The following GOLGA3 variants were observed in gnomAD, a reference collection of about 807,000 sequenced individuals.
The protein encoded by GOLGA3 is golgin A3.
A neutral mutation model predicts 169.4 loss-of-function variants in GOLGA3; 75 were observed. The ratio of observed to expected loss-of-function variants is 0.44; its 90% CI spans 0.37 to 0.54. GOLGA3 has a LOEUF of 0.54. Ranked by LOEUF, GOLGA3 falls within the 20% of genes least tolerant of loss-of-function variation. GOLGA3 has a pLI of 0.00. For missense variants in GOLGA3, 1,899 were observed against 1,930.0 expected (o/e 0.98, Z 0.30); for synonymous variants, 824 against 822.4 (o/e 1.00, Z -0.03).
chr12:132,798,572 G>T, intron 8 of GOLGA3, 95 bp from the exon 9 acceptor site: 2 of 1,120,202 alleles, frequency 1.8e-6, no homozygotes, highest in Non-Finnish European at 2.6e-6. Context: ...GAGGGTCACT[G>T]GCTGCCCCCT....
intron 4 of GOLGA3, among the ~76,000 whole-genome samples, chr12:132,812,192 TACACACAC>T (rs140337948): frequency 7.4e-6 from 1 of 135,008 alleles, no homozygotes; most frequent in Non-Finnish European, 1.5e-5. Context: ...TGTCTCAAAA[TACACACAC>T]ACACACACAC....
chr12:132,788,270 G>A (rs1300506893), intron 13 of GOLGA3, among the ~76,000 whole-genome samples: 2 of 152,198 alleles, frequency 1.3e-5, no homozygotes, highest in Admixed American at 6.5e-5. Context: ...TGCCTGCTGG[G>A]ACCTTGGCTC....
At chr12:132,816,433 G>T (rs898855110) in intron 3 of GOLGA3, 107 bp downstream of exon 3, 2 of 1,158,958 alleles carry the variant, frequency 1.7e-6, no homozygotes, top group South Asian at 1.4e-5. Flanking sequence ...CACACGGCAG[G>T]CACAGGCACA....
Position 132,773,269 on chromosome 12 carries a change from G to T in GOLGA3, c.4333C>A (p.Gln1445Lys). The part of the protein sequence containing the change: ...LKQEMDSLQR[Q>K]MEEHALTVHE... ...ACCGTCAGGGCGTGCTCCTCCATCTGGCGCTGCAGGCTGTCCATCTCCTGC... is the reference window on the plus strand; with the variant it reads ...ACCGTCAGGGCGTGCTCCTCCATCTTGCGCTGCAGGCTGTCCATCTCCTGC... Residue 1445 changes from glutamine to lysine, a missense_variant, in exon 24 of 24, where the codon CAG (glutamine) becomes AAG (lysine). Physicochemically the swap from Gln to Lys is moderately conservative, Grantham distance 53. Coordinates refer to ENST00000450791, the MANE Select transcript of GOLGA3 (RefSeq NM_001389683.1). 1 of 1,448,936 alleles carries T rather than the reference G, an allele frequency of 6.9e-7. No homozygotes were observed. Among genetic ancestry groups the T allele is most frequent in the African/African-American group, 1.5e-5 (1 of 68,346 alleles). The allele number at this position is 1,448,936 out of a possible 1,614,324, so 89.8% of individuals were successfully genotyped here.
In GOLGA3 at chr12:132,777,526, G is replaced by T; in HGVS notation, c.3722+140C>A. ...AGGATTCTGGAGACGGAGGCTGGGT[G>T]CCTTCTACTCCTATGATTCACTCAA... On this transcript the variant is annotated intron_variant, in intron 19 of 23. Coordinates refer to ENST00000450791, the MANE Select transcript of GOLGA3 (RefSeq NM_001389683.1). The surrounding 1 kb of genome is among the most constrained non-coding windows in gnomAD (Gnocchi z 4.7). 2.4e-6 allele frequency: 2 copies of T among 848,658 alleles called. No homozygotes were observed. The highest frequency in any genetic ancestry group is 3.6e-6 in the Non-Finnish European group (2 of 550,026). The allele number at this position is 848,658 out of a possible 1,614,324, so 52.6% of individuals were successfully genotyped here. A position where few individuals can be genotyped will look rare whatever the true frequency, so the allele number is the denominator to read the frequency against.
At chr12:132,783,096 T>C (rs544902854) in intron 16 of GOLGA3, among the ~76,000 whole-genome samples, 20 of 151,998 alleles carry the variant, frequency 1.3e-4, no homozygotes, top group Admixed American at 1.0e-3. Flanking sequence ...CTCAGGAGAA[T>C]GAGGCGGGAA....
Position 132,808,439 on chromosome 12 carries a change from A to G in GOLGA3, c.630T>C (p.Tyr210=), listed in dbSNP as rs1427421396. The change falls in exon 5 of 24, where the codon TAT becomes TAC. Residue 210 remains tyrosine, a synonymous_variant. Transcript: ENST00000450791. ...RASTLAMTKE[Y]SFLRTSVPRG... Reference sequence around the variant, plus strand: ...GAGGGACACTGGTGCGCAGGAAGGAATATTCTTTTGTCATAGCCAGGGTAC... The same window carrying G: ...GAGGGACACTGGTGCGCAGGAAGGAGTATTCTTTTGTCATAGCCAGGGTAC... 6.2e-7 allele frequency: 1 copy of G among 1,614,102 alleles called. No individual in the cohort carries two copies. The highest frequency in any genetic ancestry group is 1.1e-5 in the South Asian group (1 of 91,084).
At position 132,804,718 on chromosome 12, in the gene GOLGA3, G is replaced by C; in HGVS notation, c.1595C>G (p.Thr532Arg). The change falls in exon 7 of 24, where the codon ACA becomes AGA. Residue 532 changes from threonine (T) to arginine (R), a missense_variant and splice_region_variant. Coordinates refer to ENST00000450791, the MANE Select transcript of GOLGA3 (RefSeq NM_001389683.1). This position sits in a 1 kb window ranked among gnomAD's most constrained non-coding sequence, Gnocchi z 4.1. The stretch of plus-strand genomic sequence containing the variant: ...GGCGTGGCCAGGGCCAGCCTCACCT[G>C]TGTTGTCCTTGCTGAGCATGCTCCT... Reference protein sequence around the residue: ...MQRSMLSKDNTVHDLRQQMTA... With the variant: ...MQRSMLSKDNRVHDLRQQMTA... 1 of 1,611,310 alleles carries C rather than the reference G, an allele frequency of 6.2e-7. No individual in the cohort carries two copies. Among genetic ancestry groups the C allele is most frequent in the Non-Finnish European group, 8.5e-7 (1 of 1,177,874 alleles).
rs193014606 is a variant in GOLGA3 at position 132,795,110 on chromosome 12, C to T, written c.2469+742G>A. 8.6e-5 allele frequency among the ~76,000 whole-genome samples: 13 copies of T among 151,666 alleles called. No homozygotes were observed. In the East Asian group the frequency reaches 2.5e-3, roughly 29 times the overall value. ...ACTGAGGCAGGAGAATCACTTGAAC[C>T]CCGGAGGCAGAGGTTGCAGTGAGCC... On this transcript the variant is annotated intron_variant, in intron 11 of 23. Transcript: ENST00000450791.
At chr12:132,808,795 T>C (rs1334682498) in intron 4 of GOLGA3, among the ~76,000 whole-genome samples, 1 of 152,222 alleles carries the variant, frequency 6.6e-6, no homozygotes, top group Non-Finnish European at 1.5e-5. Flanking sequence ...CTTCAGTGAC[T>C]GTGACCTCAA....
chr12:132,808,228 C>T lies in GOLGA3; in HGVS notation c.841G>A (p.Ala281Thr). 6.2e-7 allele frequency: 1 copy of T among 1,614,046 alleles called. No homozygotes were observed. ...AGGCTGATCTCAGACACAACGGACG[C>T]CGCACTGCTTCTGTTCTGCTTCAGG... ...GSLKQNRSSA[A>T]SVVSEISLSP... is the part of the protein sequence containing the mutation. The change falls in exon 5 of 24, where the codon GCG (alanine) becomes ACG (threonine). Residue 281 changes from alanine (A) to threonine (T), a missense_variant. Coordinates refer to ENST00000450791, the MANE Select transcript of GOLGA3 (RefSeq NM_001389683.1).
chr12:132,798,359 G>A lies in GOLGA3; in HGVS notation c.1919C>T (p.Ala640Val). 6.2e-7 allele frequency: 1 copy of A among 1,612,592 alleles called. No individual in the cohort carries two copies. Among genetic ancestry groups the A allele is most frequent in the Non-Finnish European group, 8.5e-7 (1 of 1,179,642 alleles). ...RSMKEKGRIAAQLQGIEADML... is the reference protein window; with the variant it reads ...RSMKEKGRIAVQLQGIEADML... ...CCTCACCTCAATGCCCTGCAGCTGT[G>A]CCGCGATGCGCCCCTTCTCCTTCAT... Residue 640 changes from alanine (A) to valine (V), a missense_variant, in exon 9 of 24, where the codon GCA becomes GTA. Coordinates refer to ENST00000450791, the MANE Select transcript of GOLGA3 (RefSeq NM_001389683.1).
rs768678966 is a variant in GOLGA3 at position 132,808,044 on chromosome 12, G to A, written c.1025C>T (p.Pro342Leu). The stretch of plus-strand genomic sequence containing the variant: ...AATCTCCTGGCCGTTGACCATATAG[G>A]GGGTGTCCTGCGTGCCCACTGTCTT... The part of the protein sequence containing the change: ...LSKTVGTQDT[P>L]YMVNGQEIPA... The change falls in exon 5 of 24, where the codon CCC becomes CTC. Residue 342 changes from proline to leucine, a missense_variant. Pro to Leu is a moderately conservative substitution (Grantham distance 98). Coordinates refer to ENST00000450791, the MANE Select transcript of GOLGA3 (RefSeq NM_001389683.1). 10 of 1,604,430 alleles carry A rather than the reference G, an allele frequency of 6.2e-6. No homozygotes were observed. The highest frequency in any genetic ancestry group is 1.7e-5 in the Admixed American group (1 of 59,172).
chr12:132,825,707 G>C, intron 1 of GOLGA3: 1 of 1,375,166 alleles, frequency 7.3e-7, no homozygotes. Flanking sequence ...GAAGATGGCG[G>C]ACATTCAGAC....
In GOLGA3 at chr12:132,784,234, T is replaced by G. The variant is rs1221774558; in HGVS notation, c.3197A>C (p.Gln1066Pro). 1.2e-6 allele frequency: 2 copies of G among 1,611,272 alleles called. No individual in the cohort carries two copies. The highest frequency in any genetic ancestry group is 1.7e-6 in the Non-Finnish European group (2 of 1,180,000). The change falls in exon 16 of 24, where the codon CAG becomes CCG. Residue 1066 changes from glutamine to proline, a missense_variant. Gln to Pro is a moderately conservative substitution (Grantham distance 76). Transcript: ENST00000450791. ...CTGGCTGGTCAGCGCTATGACCTCCTGCAGTTCCTTTTCCAGCAGCGTCTT... is the reference window on the plus strand; with the variant it reads ...CTGGCTGGTCAGCGCTATGACCTCCGGCAGTTCCTTTTCCAGCAGCGTCTT... ...HSKTLLEKEL[Q>P]EVIALTSQEL...
chr12:132,782,550 AC>A, intron 16 of GOLGA3, 57 bp from the exon 17 acceptor site: 1 of 1,338,466 alleles, frequency 7.5e-7, no homozygotes, highest in African/African-American at 1.4e-5. Context: ...GAGTTCACAT[AC>A]CCCAGAAACA....
Position 132,782,438 on chromosome 12 carries a change from T to C in GOLGA3, c.3323A>G (p.Lys1108Arg). Reference protein sequence around the residue: ...KKIKRLEESNKKLALELEHEK... With the variant: ...KKIKRLEESNRKLALELEHEK... ...GTGCTCTAATTCAAGAGCCAACTTC[T>C]TGTTTGACTCCTCAAGGCGTTTTAT... Residue 1108 changes from lysine to arginine, a missense_variant, in exon 17 of 24, where the codon AAG becomes AGG. Transcript: ENST00000450791. 6.2e-7 allele frequency: 1 copy of C among 1,614,178 alleles called. No homozygotes were observed. The highest frequency in any genetic ancestry group is 1.1e-5 in the South Asian group (1 of 91,088).
At chr12:132,788,957 G>C (rs2046076088) in intron 13 of GOLGA3, 70 bp downstream of exon 13, 2 of 1,015,562 alleles carry the variant, frequency 2.0e-6, no homozygotes, top group Non-Finnish European at 2.8e-6. Flanking sequence ...CCAGACACAG[G>C]CCCCACCCTC....
At chr12:132,826,336 G>A in intron 1 of GOLGA3, among the ~76,000 whole-genome samples, 1 of 151,792 alleles carries the variant, frequency 6.6e-6, no homozygotes, top group East Asian at 1.9e-4. Flanking sequence ...GGGATGACCA[G>A]CAGGACTGGA....
Sources: gnomAD v4.1 joint callset for allele counts (sites outside exome capture counted in the v4.1 genomes callset) on GRCh38, gnomAD v4.1.1 for gene constraint, Gnocchi (gnomAD v3.1) non-coding constraint, MANE v1.5 for transcripts, NCBI Gene and HGNC (gene_info 2026-07-23, HGNC 2026-07-21) for gene names.